The following CFAP20DC variants were observed in gnomAD, a reference collection of about 807,000 sequenced individuals.
CFAP20DC encodes protein CFAP20DC.
In CFAP20DC, 84 loss-of-function variants were observed where a neutral mutation model predicts 101.7. That is an observed-to-expected ratio of 0.83 (90% CI 0.69 to 0.99). The LOEUF (loss-of-function observed/expected upper bound fraction) is 0.99, where lower values mean the gene tolerates loss of function less well. CFAP20DC is among the 50% of genes least tolerant of loss of function. The pLI is 0.00. For synonymous variants in CFAP20DC, 359 were observed against 351.2 expected, an observed-to-expected ratio of 1.02 and a Z score of -0.25; for missense variants, 1,007 against 970.3, an observed-to-expected ratio of 1.04 and a Z score of -0.50.
In CFAP20DC at chr3:59,049,797, C is replaced by T; in HGVS notation, c.-166G>A. On this transcript the variant is annotated 5_prime_UTR_variant, in exon 1 of 17. Coordinates refer to ENST00000482387, the MANE Select transcript of CFAP20DC (RefSeq NM_001394063.1). ...GGCAGGCTCTTCTCAGCCCCTCCGG[C>T]CCCTGGTCAGCTCCATCTCCCGCCC... is the stretch of plus-strand genomic sequence containing the variant. 3.9e-6 allele frequency: 3 copies of T among 759,814 alleles called. No homozygotes were observed. Among genetic ancestry groups the T allele is most frequent in the East Asian group, 2.7e-5 (1 of 36,994 alleles). The allele number at this position is 759,814 out of a possible 1,614,324, so 47.1% of individuals were successfully genotyped here.
At chr3:59,023,613 A>G (rs2093842522) in intron 4 of CFAP20DC, among the ~76,000 whole-genome samples, 1 of 152,094 alleles carries the variant, frequency 6.6e-6, no homozygotes, top group Non-Finnish European at 1.5e-5. Flanking sequence ...CCAGAAGCCT[A>G]GGGTGCCAGT....
chr3:58,952,718 T>C (rs1219047321), intron 4 of CFAP20DC, among the ~76,000 whole-genome samples: 1 of 152,108 alleles, frequency 6.6e-6, no homozygotes, highest in African/African-American at 2.4e-5. Context: ...CAGGCTGTTA[T>C]ATATAAACTC....
chr3:58,915,875 C>T (rs2084652991), intron 5 of CFAP20DC, among the ~76,000 whole-genome samples: 1 of 152,028 alleles, frequency 6.6e-6, no homozygotes, highest in African/African-American at 2.4e-5. Context: ...CTTGATTCAT[C>T]AATTTTGGAC....
chr3:58,938,908 C>T (rs931416212), intron 4 of CFAP20DC, among the ~76,000 whole-genome samples: 2 of 152,156 alleles, frequency 1.3e-5, no homozygotes, highest in South Asian at 2.1e-4. Flanking sequence ...TAAAATACAA[C>T]GTCTTTCAAT....
intron 14 of CFAP20DC, among the ~76,000 whole-genome samples, chr3:58,812,383 T>G (rs534544000): frequency 6.6e-6 from 1 of 152,068 alleles, no homozygotes; most frequent in African/African-American, 2.4e-5. Flanking sequence ...CCATAAAAAA[T>G]GATGAGTTCA....
At position 59,044,851 on chromosome 3, in the gene CFAP20DC, A is replaced by G. The variant is rs556570113; in HGVS notation, c.205+1378T>C. On this transcript the variant is annotated intron_variant, in intron 3 of 16. Coordinates refer to ENST00000482387, the MANE Select transcript of CFAP20DC (RefSeq NM_001394063.1). ...TGTATCTACATGTCTTACAAAACCA[A>G]TATCCTTAAAAAGATGTCCTGTGCC... is the stretch of plus-strand genomic sequence containing the variant. 2.0e-5 allele frequency among the ~76,000 whole-genome samples: 3 copies of G among 152,246 alleles called. No individual in the cohort carries two copies. In the South Asian group the frequency reaches 6.2e-4, roughly 32 times the overall value.
At chr3:58,822,467 C>A (rs1020816715) in intron 14 of CFAP20DC, among the ~76,000 whole-genome samples, 2 of 149,314 alleles carry the variant, frequency 1.3e-5, no homozygotes, top group Non-Finnish European at 3.0e-5. Flanking sequence ...GGGATAGCAT[C>A]AGGAGATATA....
intron 6 of CFAP20DC, among the ~76,000 whole-genome samples, chr3:58,887,872 G>T (rs952583320): frequency 5.3e-5 from 8 of 152,176 alleles, no homozygotes; most frequent in African/African-American, 1.9e-4. Flanking sequence ...TTAAAATGAA[G>T]ACTAACCATT....
chr3:58,838,723 A>G (rs1409340974), intron 13 of CFAP20DC, among the ~76,000 whole-genome samples: 1 of 152,216 alleles, frequency 6.6e-6, no homozygotes, highest in Non-Finnish European at 1.5e-5. Context: ...GAATTCTCTG[A>G]CAAATAGAGC....
Position 59,049,658 on chromosome 3 carries a change from G to A in CFAP20DC, c.-27C>T. On this transcript the variant is annotated 5_prime_UTR_variant, in exon 1 of 17. Transcript: ENST00000482387. ...CCCGCAGGGGGCCCAGGGCTTGGGG[G>A]GCACAGAGTTCAGGGTTTCCAGCGA... The A allele has an allele frequency of 6.5e-7, 1 of 1,535,890 alleles. No homozygotes were observed. The highest frequency in any genetic ancestry group is 8.7e-7 in the Non-Finnish European group (1 of 1,146,772).
At chr3:58,870,918 A>G (rs1357097638) in intron 7 of CFAP20DC, among the ~76,000 whole-genome samples, 4 of 150,208 alleles carry the variant, frequency 2.7e-5, no homozygotes, top group African/African-American at 4.9e-5. Flanking sequence ...AAAAAAAAAA[A>G]AAAAAAGAAA....
intron 5 of CFAP20DC, among the ~76,000 whole-genome samples, chr3:58,935,236 AAGG>A (rs552940429): frequency 0.01 from 1,596 of 152,254 alleles, 35 homozygotes; most frequent in African/African-American, 0.036. Flanking sequence ...GGACCTCTTC[AAGG>A]AGAACTACAA....
chr3:59,017,380 C>T (rs2093710765), intron 4 of CFAP20DC: 1 of 152,152 alleles, frequency 6.6e-6, no homozygotes, highest in African/African-American at 2.4e-5. Flanking sequence ...TCCCGCTGTG[C>T]TTTAATTCAC....
intron 14 of CFAP20DC, among the ~76,000 whole-genome samples, chr3:58,811,412 C>T (rs1448568435): frequency 1.3e-5 from 2 of 151,996 alleles, no homozygotes; most frequent in African/African-American, 4.8e-5. Flanking sequence ...ATATCTACAA[C>T]TATCTGATCT....
At chr3:58,933,910 A>G (rs1476352865) in intron 5 of CFAP20DC, among the ~76,000 whole-genome samples, 2 of 151,994 alleles carry the variant, frequency 1.3e-5, no homozygotes, top group Non-Finnish European at 2.9e-5. Flanking sequence ...AAGGCGAGAA[A>G]TAACTAAAAT....
intron 4 of CFAP20DC, among the ~76,000 whole-genome samples, chr3:59,030,117 C>A (rs1476613795): frequency 6.6e-6 from 1 of 152,188 alleles, no homozygotes; most frequent in African/African-American, 2.4e-5. Context: ...AAATGCCTCT[C>A]CCATTCTGAC....
chr3:58,758,413 T>A (rs75919399), intron 15 of CFAP20DC, among the ~76,000 whole-genome samples: 2 of 152,196 alleles, frequency 1.3e-5, no homozygotes, highest in East Asian at 3.9e-4. Flanking sequence ...ATTTCGTGGG[T>A]TGGCTTCTTA....
rs537615356 is a variant in CFAP20DC, at chr3:58,799,307, T to C, written c.2237+7088A>G. The stretch of plus-strand genomic sequence containing the variant: ...ACACTAATTCAATTTTAGAAAACTG[T>C]CTCTATTTAAAGGTGTAAAATGATA... On this transcript the variant is annotated intron_variant, in intron 15 of 16. Coordinates refer to ENST00000482387, the MANE Select transcript of CFAP20DC (RefSeq NM_001394063.1). This position sits in a 1 kb window ranked among gnomAD's most constrained non-coding sequence, Gnocchi z 4.9. Among the ~76,000 whole-genome samples the C allele has an allele frequency of 7.9e-5, 12 of 152,150 alleles. No individual in the cohort carries two copies. The highest frequency in any genetic ancestry group is 1.8e-4 in the Non-Finnish European group (12 of 68,032).
intron 14 of CFAP20DC, among the ~76,000 whole-genome samples, chr3:58,809,087 G>C (rs2074375431): frequency 6.6e-6 from 1 of 152,092 alleles, no homozygotes; most frequent in Non-Finnish European, 1.5e-5. Flanking sequence ...GACCTACAAA[G>C]AGACTTAGAC....
Sources: allele counts gnomAD v4.1 joint callset (sites outside exome capture counted in the v4.1 genomes callset), GRCh38; gene constraint gnomAD v4.1.1; non-coding constraint Gnocchi (gnomAD v3.1); transcripts MANE v1.5; gene names NCBI Gene and HGNC (gene_info 2026-07-23, HGNC 2026-07-21).